Variants in RPF1 observed in about 807,000 individuals in gnomAD.
The protein encoded by RPF1 is ribosome production factor 1 homolog.
In RPF1, 34 loss-of-function variants were observed where a neutral mutation model predicts 41.9. The ratio of observed to expected loss-of-function variants is 0.81; its 90% confidence interval spans 0.62 to 1.08. The LOEUF is 1.08. RPF1 is among the 50% of genes least tolerant of loss of function. RPF1 has a pLI of 0.00. For synonymous variants in RPF1, 140 were observed against 148.9 expected (o/e 0.94, Z 0.43); for missense variants, 425 against 435.2 (o/e 0.98, Z 0.21).
chr1:84,491,306 T>G (rs1193246063), intron 5 of RPF1, among the ~76,000 whole-genome samples: 17 of 152,232 alleles, frequency 1.1e-4, no homozygotes, highest in Admixed American at 1.1e-3. Flanking sequence ...TTATGATTTT[T>G]AATTTCATTA....
chr1:84,492,912 A>C (rs1248997453), intron 5 of RPF1, among the ~76,000 whole-genome samples: 1 of 152,212 alleles, frequency 6.6e-6, no homozygotes, highest in Non-Finnish European at 1.5e-5. Context: ...ACCGTGGTTG[A>C]GATCTGCAGT....
rs756545807 is a variant in RPF1, at chr1:84,496,059, C to T, written c.877C>T (p.His293Tyr). The T allele has an allele frequency of 1.2e-6, 2 of 1,602,090 alleles. No individual in the cohort carries two copies. The highest frequency in any genetic ancestry group is 2.7e-5 in the African/African-American group (2 of 74,480). Residue 293 changes from histidine (H) to tyrosine (Y), a missense_variant, in exon 7 of 9, where the codon CAC (histidine) becomes TAC (tyrosine). Coordinates refer to ENST00000370654, the MANE Select transcript of RPF1 (RefSeq NM_025065.7). Reference sequence around the variant, plus strand: ...ACGGGATTACATATTCTTCAGATTTCACAGGTGAGGAAGGTAAACTCATTG... The same window carrying T: ...ACGGGATTACATATTCTTCAGATTTTACAGGTGAGGAAGGTAAACTCATTG... ...NQRDYIFFRF[H>Y]RYIFRSEKKV... is the part of the protein sequence containing the mutation.
In RPF1 at chr1:84,491,283, G is replaced by T. The variant is rs1377008504; in HGVS notation, c.616+811G>T. 2.0e-5 allele frequency among the ~76,000 whole-genome samples: 3 copies of T among 151,986 alleles called. No homozygotes were observed. The East Asian group carries it at 5.8e-4, about 29-fold the overall frequency. Reference sequence around the variant, plus strand: ...TCAGTAACCTTAAAGATGACCAATTGAATGAGTCATCTTTATGATTTTTAA... The same window carrying T: ...TCAGTAACCTTAAAGATGACCAATTTAATGAGTCATCTTTATGATTTTTAA... On this transcript the variant is annotated intron_variant, in intron 5 of 8. Transcript: ENST00000370654.
intron 3 of RPF1, among the ~76,000 whole-genome samples, chr1:84,486,587 C>CAAAAAAAAAAAAAAAAAA (rs896267195): frequency 1.5e-5 from 1 of 64,534 alleles, no homozygotes; most frequent in Non-Finnish European, 3.1e-5. Context: ...GACTCCGTCT[C>CAAAAAAAAAAAAAAAAAA]AAAAAAAAAA....
chr1:84,489,523 C>G (rs1401148073), intron 3 of RPF1, 110 bp from the exon 4 acceptor site: 2 of 664,316 alleles, frequency 3.0e-6, no homozygotes, highest in Non-Finnish European at 5.5e-6. Flanking sequence ...CTTTAAAGCC[C>G]CTATCAGCTA....
chr1:84,495,076 CT>C (rs35554372), intron 5 of RPF1, among the ~76,000 whole-genome samples: 1 of 134,024 alleles, frequency 7.5e-6, no homozygotes, highest in South Asian at 2.4e-4. Flanking sequence ...AATTAAATAG[CT>C]TTTTTTCACC....
Position 84,495,392 on chromosome 1 carries a change from C to A in RPF1, c.636C>A (p.His212Gln). Residue 212 changes from histidine (H) to glutamine (Q), a missense_variant, in exon 6 of 9, where the codon CAC (histidine) becomes CAA (glutamine). Coordinates refer to ENST00000370654, the MANE Select transcript of RPF1 (RefSeq NM_025065.7). ...GAACAGATGGACTTATTTTGAGTCA[C>A]TTGCCAAATGGCCCAACTGCTCATT... ...RKTPNGLILS[H>Q]LPNGPTAHFK... The A allele has an allele frequency of 6.6e-7, 1 of 1,509,386 alleles. No individual in the cohort carries two copies. Among genetic ancestry groups the A allele is most frequent in the Non-Finnish European group, 9.1e-7 (1 of 1,097,890 alleles). 93.5% of individuals were successfully genotyped at this position (1,509,386 alleles called of 1,614,324 possible).
chr1:84,496,088 T>C, intron 7 of RPF1, 25 bp downstream of exon 7: 2 of 1,547,208 alleles, frequency 1.3e-6, no homozygotes, highest in South Asian at 2.4e-5. Flanking sequence ...CTCATTGAAC[T>C]TTGATTTCAA....
intron 5 of RPF1, among the ~76,000 whole-genome samples, chr1:84,491,858 T>A (rs773767847): frequency 2.0e-5 from 3 of 152,190 alleles, no homozygotes; most frequent in Non-Finnish European, 2.9e-5. Context: ...ATCTATTGCC[T>A]TTAAAAAGTT....
intron 8 of RPF1, among the ~76,000 whole-genome samples, chr1:84,497,093 A>C (rs898530375): frequency 1.3e-5 from 2 of 151,086 alleles, no homozygotes; most frequent in African/African-American, 2.4e-5. Flanking sequence ...GATGGTCTTG[A>C]TCTCCTGACC....
At chr1:84,488,037 T>C (rs983767700) in intron 3 of RPF1, among the ~76,000 whole-genome samples, 1 of 152,076 alleles carries the variant, frequency 6.6e-6, no homozygotes, top group Non-Finnish European at 1.5e-5. Context: ...CTTCGTCAGT[T>C]TGTCACTGCA....
At chr1:84,496,192 A>C in intron 7 of RPF1, 52 bp from the exon 8 acceptor site, 1 of 1,544,146 alleles carries the variant, frequency 6.5e-7, no homozygotes, top group Non-Finnish European at 8.9e-7. Flanking sequence ...ACCCTGTCAT[A>C]ATGTTAAACA....
At chr1:84,496,087 C>T in intron 7 of RPF1, 24 bp downstream of exon 7, 1 of 1,545,018 alleles carries the variant, frequency 6.5e-7, no homozygotes, top group Non-Finnish European at 8.8e-7. Flanking sequence ...ACTCATTGAA[C>T]TTTGATTTCA....
Position 84,496,270 on chromosome 1 carries a change from T to C in RPF1, c.908T>C (p.Val303Ala). 1 of 1,613,384 alleles carries C rather than the reference T, an allele frequency of 6.2e-7. No individual in the cohort carries two copies. The change falls in exon 8 of 9, where the codon GTG becomes GCG. Residue 303 changes from valine to alanine, a missense_variant. Physicochemically the swap from Val to Ala is moderately conservative, Grantham distance 64. Coordinates refer to ENST00000370654, the MANE Select transcript of RPF1 (RefSeq NM_025065.7). ...TACATATTCAGGAGTGAAAAGAAAG[T>C]GGGAATTCAGGAACTTGGACCACGT... ...HRYIFRSEKK[V>A]GIQELGPRFT...
chr1:84,484,324 T>G (rs935543030), intron 3 of RPF1, among the ~76,000 whole-genome samples: 3 of 152,162 alleles, frequency 2.0e-5, no homozygotes, highest in Non-Finnish European at 1.5e-5. Flanking sequence ...TCATTTTGTT[T>G]TTTATGAGCA....
At chr1:84,485,139 C>T (rs1017406870) in intron 3 of RPF1, among the ~76,000 whole-genome samples, 1 of 152,166 alleles carries the variant, frequency 6.6e-6, no homozygotes, top group African/African-American at 2.4e-5. Context: ...GAGTCTCGCT[C>T]TGTTGCCCAG....
chr1:84,492,438 T>C (rs2101886567), intron 5 of RPF1, among the ~76,000 whole-genome samples: 1 of 152,334 alleles, frequency 6.6e-6, no homozygotes, highest in African/African-American at 2.4e-5. Flanking sequence ...AGTAGTGGCT[T>C]TGAGTCAGGG....
chr1:84,495,110 A>G (rs1681907667), intron 5 of RPF1, among the ~76,000 whole-genome samples: 1 of 152,188 alleles, frequency 6.6e-6, no homozygotes, highest in Non-Finnish European at 1.5e-5. Context: ...GGGTACCTTA[A>G]GATACCCTAT....
In RPF1 at chr1:84,479,525, G is replaced by C. The variant is rs759343704; in HGVS notation, c.228+16G>C. 23 of 1,611,158 alleles carry C rather than the reference G, an allele frequency of 1.4e-5. No homozygotes were observed. The Admixed American group carries it at 3.8e-4, about 27-fold the overall frequency. On this transcript the variant is annotated intron_variant, in intron 1 of 8. Transcript: ENST00000370654. ...GCAGCGGAAGGTACGCGAGAGGCGG[G>C]GGCTGCCGGGCGCTTGCGCGTTGTT...
Sources: allele counts gnomAD v4.1 joint callset (sites outside exome capture counted in the v4.1 genomes callset), GRCh38; gene constraint gnomAD v4.1.1; transcripts MANE v1.5; gene names NCBI Gene and HGNC (gene_info 2026-07-23, HGNC 2026-07-21).